The following NT5DC3 variants were observed in gnomAD, a reference collection of about 807,000 sequenced individuals.
NT5DC3 encodes the protein 5'-nucleotidase domain-containing protein 3.
NT5DC3 carries 42 observed loss-of-function variants against 67.8 expected under a neutral mutation model. The observed-to-expected ratio is 0.62, with a 90% CI of 0.48 to 0.80. The LOEUF (loss-of-function observed/expected upper bound fraction) is 0.80. Ranked by LOEUF, NT5DC3 falls within the 30% of genes least tolerant of loss-of-function variation. The pLI is 0.00. For missense variants in NT5DC3, 570 were observed against 696.4 expected (o/e 0.82, Z 2.04); for synonymous variants, 237 against 255.6 (o/e 0.93, Z 0.69).
At chr12:103,803,452 A>G (rs555301415) in intron 4 of NT5DC3, among the ~76,000 whole-genome samples, 1 of 152,338 alleles carries the variant, frequency 6.6e-6, no homozygotes, top group African/African-American at 2.4e-5. Context: ...TATACATGTT[A>G]CTTACAAAAT....
intron 4 of NT5DC3, among the ~76,000 whole-genome samples, chr12:103,804,461 G>A (rs1886713573): frequency 2.0e-5 from 3 of 152,208 alleles, no homozygotes; most frequent in Admixed American, 2.0e-4. Context: ...CCAGAGAGAG[G>A]AAGAGAAGGG....
intron 1 of NT5DC3, among the ~76,000 whole-genome samples, chr12:103,836,665 T>C (rs1377164957): frequency 6.7e-6 from 1 of 148,742 alleles, no homozygotes; most frequent in Non-Finnish European, 1.5e-5. Context: ...AATGTTTTCC[T>C]TTTTCCTTTT....
At chr12:103,839,601 A>T (rs1245866399) in intron 1 of NT5DC3, among the ~76,000 whole-genome samples, 4 of 151,524 alleles carry the variant, frequency 2.6e-5, no homozygotes, top group Non-Finnish European at 5.9e-5. Flanking sequence ...TTACAAGTTA[A>T]AAAAAAAACT....
In NT5DC3 at chr12:103,777,022, A is replaced by T. The variant is rs1018134269; in HGVS notation, c.*807T>A. 6.6e-5 allele frequency: 10 copies of T among 152,236 alleles called. No homozygotes were observed. The highest frequency in any genetic ancestry group is 1.2e-4 in the Non-Finnish European group (8 of 68,054). 9.4% of individuals were successfully genotyped at this position (152,236 alleles called of 1,614,324 possible). On this transcript the variant is annotated 3_prime_UTR_variant, in exon 14 of 14. Transcript: ENST00000392876. ...CAACTCAGGTGGTGTTTCCAGGTTT[A>T]ACAAGCTCCTGGGAGACCTACCACA...
chr12:103,794,478 C>G (rs1488993583), intron 6 of NT5DC3, among the ~76,000 whole-genome samples: 2 of 152,192 alleles, frequency 1.3e-5, no homozygotes, highest in Admixed American at 6.5e-5. Context: ...TAGGCAGCCC[C>G]TTGTGAAAGC....
chr12:103,830,375 G>T (rs907466350), intron 1 of NT5DC3, among the ~76,000 whole-genome samples: 2 of 152,040 alleles, frequency 1.3e-5, no homozygotes, highest in African/African-American at 4.8e-5. Flanking sequence ...TATTCATACT[G>T]CTTGGGATTT....
Position 103,774,193 on chromosome 12 carries a change from T to C in NT5DC3, c.*3636A>G, listed in dbSNP as rs961471923. The C allele has an allele frequency of 3.3e-5, 5 of 152,250 alleles. No individual in the cohort carries two copies. Among genetic ancestry groups the C allele is most frequent in the Non-Finnish European group, 7.3e-5 (5 of 68,034 alleles). 9.4% of individuals were successfully genotyped at this position (152,250 alleles called of 1,614,324 possible). ...GATGGCTGCTGCCCTGGACTCATCA[T>C]TGTTCACATAATTCTTAGAAAATCA... On this transcript the variant is annotated 3_prime_UTR_variant, in exon 14 of 14. Transcript: ENST00000392876.
At position 103,806,886 on chromosome 12, in the gene NT5DC3, G is replaced by A; in HGVS notation, c.437C>T (p.Ala146Val). ...TACATCATAATGAAGTCCACGAATT[G>A]CAAAATTTGGGTCATACTCATACTT... ...IRKYEYDPNF[A>V]IRGLHYDVQR... The change falls in exon 3 of 14, where the codon GCA (alanine) becomes GTA (valine). Residue 146 changes from alanine (A) to valine (V), a missense_variant. Physicochemically the swap from Ala to Val is moderately conservative, Grantham distance 64 (BLOSUM62 0). Coordinates refer to ENST00000392876, the MANE Select transcript of NT5DC3 (RefSeq NM_001031701.3). The A allele has an allele frequency of 6.2e-7, 1 of 1,609,608 alleles. No homozygotes were observed. The highest frequency in any genetic ancestry group is 8.5e-7 in the Non-Finnish European group (1 of 1,175,936).
intron 4 of NT5DC3, among the ~76,000 whole-genome samples, chr12:103,799,638 C>A (rs1398559272): frequency 2.0e-5 from 3 of 152,110 alleles, no homozygotes; most frequent in Admixed American, 2.0e-4. Flanking sequence ...TTGCCACACC[C>A]AACGCTCAGT....
chr12:103,786,311 G>A (rs773556436), intron 11 of NT5DC3, among the ~76,000 whole-genome samples: 3 of 152,190 alleles, frequency 2.0e-5, no homozygotes, highest in Non-Finnish European at 2.9e-5. Context: ...CAAGGTGGGG[G>A]AAAGTATGAA....
At chr12:103,761,146 G>T in the NT5DC3 span, among the ~76,000 whole-genome samples, 101 of 152,286 alleles carry the variant, frequency 6.6e-4, no homozygotes, top group African/African-American at 2.4e-3. Flanking sequence ...GTTCTGGGCT[G>T]TCCAGAGGGT....
chr12:103,819,676 G>A (rs532669417), intron 1 of NT5DC3: 52 of 152,340 alleles, frequency 3.4e-4, no homozygotes, highest in African/African-American at 1.1e-3. Flanking sequence ...CTTTTCGTCT[G>A]CTTATCCCAC....
chr12:103,820,362 A>C (rs1017738864), intron 1 of NT5DC3, among the ~76,000 whole-genome samples: 3 of 152,098 alleles, frequency 2.0e-5, no homozygotes, highest in African/African-American at 7.2e-5. Flanking sequence ...TTGCTTTTTT[A>C]AGGCCATCAC....
the NT5DC3 span, chr12:103,750,680 G>A: frequency 6.2e-7 from 1 of 1,614,206 alleles, no homozygotes; most frequent in Non-Finnish European, 8.5e-7. Context: ...ACAATGGGCA[G>A]TGCCATGCAG....
At chr12:103,787,339 T>A in intron 11 of NT5DC3, 102 bp downstream of exon 11, 1 of 541,106 alleles carries the variant, frequency 1.8e-6, no homozygotes, top group Non-Finnish European at 3.1e-6. Flanking sequence ...AAATAAAAGA[T>A]ATATTCTTAA....
At chr12:103,802,188 T>A (rs1886616941) in intron 4 of NT5DC3, 1 of 152,104 alleles carries the variant, frequency 6.6e-6, no homozygotes, top group African/African-American at 2.4e-5. Context: ...CTTGACACAA[T>A]GGACAGTGTA....
chr12:103,782,886 TGA>T (rs1257129223), intron 12 of NT5DC3, among the ~76,000 whole-genome samples: 1 of 152,056 alleles, frequency 6.6e-6, no homozygotes, highest in Non-Finnish European at 1.5e-5. Flanking sequence ...CTTGGGAGGC[TGA>T]GAGAGGAGAA....
At position 103,803,918 on chromosome 12, in the gene NT5DC3, G is replaced by T. The variant is rs139200653; in HGVS notation, c.524+2404C>A. 3.7e-3 allele frequency among the ~76,000 whole-genome samples: 554 copies of T among 150,400 alleles called. 7 individuals are homozygous for T. Among genetic ancestry groups the T allele is most frequent in the East Asian group, 0.024 (124 of 5,138 alleles). ...AACTATCCCTTGTACCTTAAGAAAGGCCACACAGCATGGTGGCCAAGAGCA... is the reference window on the plus strand; with the variant it reads ...AACTATCCCTTGTACCTTAAGAAAGTCCACACAGCATGGTGGCCAAGAGCA... On this transcript the variant is annotated intron_variant, in intron 4 of 13. Coordinates refer to ENST00000392876, the MANE Select transcript of NT5DC3 (RefSeq NM_001031701.3).
intron 9 of NT5DC3, among the ~76,000 whole-genome samples, chr12:103,791,720 C>T (rs1041007919): frequency 4.5e-4 from 69 of 152,300 alleles, no homozygotes; most frequent in Admixed American, 9.2e-4. Context: ...AGGCGAGCGT[C>T]CAGTGGGTGA....
Sources: gnomAD v4.1 joint callset for allele counts (sites outside exome capture counted in the v4.1 genomes callset) on GRCh38, gnomAD v4.1.1 for gene constraint, MANE v1.5 for transcripts, NCBI Gene and HGNC (gene_info 2026-07-23, HGNC 2026-07-21) for gene names.